NEIL3: variants seen among roughly 807,000 people sequenced by gnomAD.
NEIL3 encodes the protein nei like DNA glycosylase 3.
In NEIL3, 48 loss-of-function variants were observed where a neutral mutation model predicts 57.5. That is an observed-to-expected ratio of 0.83 (90% CI 0.66 to 1.06). NEIL3 has a LOEUF of 1.06. Among genes scored for constraint, NEIL3 ranks in the 50% least tolerant of loss-of-function variants. The pLI is 0.00. For synonymous variants in NEIL3, 261 were observed against 253.2 expected, an observed-to-expected ratio of 1.03 and a Z score of -0.29; for missense variants, 717 against 739.1, an observed-to-expected ratio of 0.97 and a Z score of 0.35.
chr4:177,369,386 A>C, the NEIL3 span, among the ~76,000 whole-genome samples: 1 of 152,198 alleles, frequency 6.6e-6, no homozygotes, highest in Non-Finnish European at 1.5e-5. Context: ...TATGTGAAGG[A>C]AAATGGGGAG....
chr4:177,321,652 C>T (rs1375083245), intron 1 of NEIL3, among the ~76,000 whole-genome samples: 3 of 152,050 alleles, frequency 2.0e-5, no homozygotes, highest in African/African-American at 7.2e-5. Flanking sequence ...TATATGTTGT[C>T]ATTCTAACAA....
At chr4:177,354,312 TGTAAA>T (rs1478740889) in intron 8 of NEIL3, 1 of 152,128 alleles carries the variant, frequency 6.6e-6, no homozygotes, top group Non-Finnish European at 1.5e-5. Flanking sequence ...TGGAAAATAT[TGTAAA>T]GTATAAAGAA....
At chr4:177,364,617 A>G (rs538784822), downstream of NEIL3, among the ~76,000 whole-genome samples, 2 of 152,246 alleles carry the variant, frequency 1.3e-5, no homozygotes, top group Non-Finnish European at 2.9e-5. Flanking sequence ...CAAACTGAAC[A>G]CGGAGCAACC....
chr4:177,332,886 G>A (rs1290595427), intron 2 of NEIL3, among the ~76,000 whole-genome samples: 1 of 152,052 alleles, frequency 6.6e-6, no homozygotes, highest in Non-Finnish European at 1.5e-5. Flanking sequence ...TAGCTTACCT[G>A]GTTGCGTTGC....
Position 177,337,812 on chromosome 4 carries a change from G to A in NEIL3, c.627+1491G>A, listed in dbSNP as rs116748401. Among the ~76,000 whole-genome samples, 1,380 of 152,118 alleles carry A rather than the reference G, an allele frequency of 9.1e-3. 23 individuals carry two copies. Among genetic ancestry groups the A allele is most frequent in the African/African-American group, 0.032 (1,311 of 41,486 alleles). ...AAGAGGTGAGACCATCCTGGCCAACGTGGTGAAACCATCCTGGCCAACATG... is the reference window on the plus strand; with the variant it reads ...AAGAGGTGAGACCATCCTGGCCAACATGGTGAAACCATCCTGGCCAACATG... On this transcript the variant is annotated intron_variant, in intron 4 of 9. Coordinates refer to ENST00000264596, the MANE Select transcript of NEIL3 (RefSeq NM_018248.3).
chr4:177,311,355 G>A (rs1351408028), intron 1 of NEIL3, among the ~76,000 whole-genome samples: 1 of 152,070 alleles, frequency 6.6e-6, no homozygotes, highest in Non-Finnish European at 1.5e-5. Context: ...AGGAAGACCT[G>A]GGAAGGCTTC....
chr4:177,312,341 A>T lies in NEIL3; in HGVS notation c.156+2232A>T, dbSNP rs35588362. Among the ~76,000 whole-genome samples the T allele has an allele frequency of 4.7e-4, 72 of 152,290 alleles. 1 individual carries two copies. In the East Asian group the frequency reaches 0.012, roughly 26 times the overall value. The stretch of plus-strand genomic sequence containing the variant: ...CCATAGCTCCTCTCAGCCATAAAAG[A>T]TTCAGTAGGATCTTTATTGCTTTTT... On this transcript the variant is annotated intron_variant, in intron 1 of 9. Transcript: ENST00000264596.
At chr4:177,357,673 A>G (rs932012650) in intron 8 of NEIL3, among the ~76,000 whole-genome samples, 1 of 152,196 alleles carries the variant, frequency 6.6e-6, no homozygotes, top group Admixed American at 6.5e-5. Flanking sequence ...TGAGCAGACT[A>G]TAGCCAGCAG....
In NEIL3 at chr4:177,310,091, G is replaced by T. The variant is rs774662149; in HGVS notation, c.138G>T (p.Thr46=). The T allele has an allele frequency of 2.3e-5, 36 of 1,588,028 alleles. No individual in the cohort carries two copies. Among genetic ancestry groups the T allele is most frequent in the Middle Eastern group, 2.1e-4 (1 of 4,802 alleles). The change falls in exon 1 of 10, where the codon ACG becomes ACT. Residue 46 remains threonine, a synonymous_variant. Coordinates refer to ENST00000264596, the MANE Select transcript of NEIL3 (RefSeq NM_018248.3). The part of the protein sequence containing the change: ...QGRALRLAAS[T]VVVSPQAAAL... ...GCGCCTTGCGGCTCGCAGCCTCCAC[G>T]GTTGTGGTCTCCCCGCAGGTGAGCT... is the stretch of plus-strand genomic sequence containing the variant.
chr4:177,364,837 A>G (rs1039534445), downstream of NEIL3, among the ~76,000 whole-genome samples: 8 of 151,924 alleles, frequency 5.3e-5, no homozygotes, highest in African/African-American at 1.5e-4. Flanking sequence ...CTGAGGCAGT[A>G]GAATCGCTTG....
chr4:177,357,434 T>C (rs1043834042), intron 8 of NEIL3, among the ~76,000 whole-genome samples: 45 of 152,148 alleles, frequency 3.0e-4, no homozygotes, highest in Admixed American at 1.7e-3. Flanking sequence ...AGACAATTCT[T>C]CTTCTTCCAC....
chr4:177,362,622 A>G lies in NEIL3; in HGVS notation c.*151A>G, dbSNP rs1246581477. 3 of 574,420 alleles carry G rather than the reference A, an allele frequency of 5.2e-6. No homozygotes were observed. Among genetic ancestry groups the G allele is most frequent in the Non-Finnish European group, 8.7e-6 (3 of 346,036 alleles). The allele number at this position is 574,420 out of a possible 1,614,324, so 35.6% of individuals were successfully genotyped here. ...GTTCTTTTTTTTTCTTGTGTGTGCC[A>G]TCTTTCCATTGTTGGCTACGTCTTT... On this transcript the variant is annotated 3_prime_UTR_variant, in exon 10 of 10. Coordinates refer to ENST00000264596, the MANE Select transcript of NEIL3 (RefSeq NM_018248.3).
the NEIL3 span, among the ~76,000 whole-genome samples, chr4:177,369,337 T>C: frequency 6.6e-6 from 1 of 152,152 alleles, no homozygotes; most frequent in Non-Finnish European, 1.5e-5. Context: ...CTAGAAGGTG[T>C]CAGCAACAGA....
intron 7 of NEIL3, 96 bp from the exon 8 acceptor site, chr4:177,353,212 G>C (rs1046370273): frequency 2.3e-5 from 24 of 1,061,970 alleles, no homozygotes; most frequent in Non-Finnish European, 3.3e-5. Context: ...CTGTAATAAA[G>C]TGAAGTAAAT....
In NEIL3 at chr4:177,311,759, A is replaced by T. The variant is rs142446708; in HGVS notation, c.156+1650A>T. Among the ~76,000 whole-genome samples, 5 of 152,108 alleles carry T rather than the reference A, an allele frequency of 3.3e-5. No homozygotes were observed. In the East Asian group the frequency reaches 9.7e-4, roughly 29 times the overall value. Reference sequence around the variant, plus strand: ...GGGATTGGAACAGGAAAAAGACTGAAAGAAAGCCAGAGTAGACACTGCCCT... The same window carrying T: ...GGGATTGGAACAGGAAAAAGACTGATAGAAAGCCAGAGTAGACACTGCCCT... On this transcript the variant is annotated intron_variant, in intron 1 of 9. Transcript: ENST00000264596.
intron 2 of NEIL3, among the ~76,000 whole-genome samples, chr4:177,329,726 A>G (rs1318894911): frequency 6.6e-6 from 1 of 152,188 alleles, no homozygotes; most frequent in African/African-American, 2.4e-5. Flanking sequence ...GACCTAATTG[A>G]CAAGTAGAGA....
At position 177,360,678 on chromosome 4, in the gene NEIL3, G is replaced by A. The variant is rs772862287; in HGVS notation, c.1635+1G>A. ...AGAAGCACAATGTGGATTTTTTGAA[G>A]TATGTGTAAGATTTATCTAGCTTAC... On this transcript the variant is annotated splice_donor_variant, in intron 9 of 9. Coordinates refer to ENST00000264596, the MANE Select transcript of NEIL3 (RefSeq NM_018248.3). LOFTEE classifies it high-confidence loss of function. 4 of 1,604,008 alleles carry A rather than the reference G, an allele frequency of 2.5e-6. 1 individual carries two copies. The highest frequency in any genetic ancestry group is 3.4e-6 in the Non-Finnish European group (4 of 1,174,180).
In NEIL3 at chr4:177,331,317, G is replaced by T. The variant is rs77767436; in HGVS notation, c.279-4371G>T. ...CTTATTCTTTCCTCTGCTCTGTGCG[G>T]TCTGCTGGTCTGCTCATTGAAGAAA... On this transcript the variant is annotated intron_variant, in intron 2 of 9. Coordinates refer to ENST00000264596, the MANE Select transcript of NEIL3 (RefSeq NM_018248.3). 6.4e-3 allele frequency among the ~76,000 whole-genome samples: 968 copies of T among 151,340 alleles called. 8 individuals carry two copies. Among genetic ancestry groups the T allele is most frequent in the Non-Finnish European group, 1.0e-2 (676 of 67,848 alleles).
Position 177,362,346 on chromosome 4 carries a change from G to A in NEIL3, c.1693G>A (p.Val565Ile), listed in dbSNP as rs1348311924. 6.2e-7 allele frequency: 1 copy of A among 1,613,176 alleles called. No homozygotes were observed. The highest frequency in any genetic ancestry group is 8.5e-7 in the Non-Finnish European group (1 of 1,179,644). The change falls in exon 10 of 10, where the codon GTA becomes ATA. Residue 565 changes from valine (V) to isoleucine (I), a missense_variant. Coordinates refer to ENST00000264596, the MANE Select transcript of NEIL3 (RefSeq NM_018248.3). ...TGGCAAGCGTTCCACCATGAAAACA[G>A]TATTGAAGATTGGACCTAACAATGG... Reference protein sequence around the residue: ...NHGKRSTMKTVLKIGPNNGKN... With the variant: ...NHGKRSTMKTILKIGPNNGKN...
Sources: allele counts gnomAD v4.1 joint callset (sites outside exome capture counted in the v4.1 genomes callset), GRCh38; gene constraint gnomAD v4.1.1; transcripts MANE v1.5; gene names NCBI Gene and HGNC (gene_info 2026-07-23, HGNC 2026-07-21).